Variants in SNRPN observed in about 807,000 individuals in gnomAD.
The protein encoded by SNRPN is small nuclear ribonucleoprotein-associated protein N.
SNRPN carries 7 observed loss-of-function variants against 25.2 expected under a neutral mutation model. The ratio of observed to expected loss-of-function variants is 0.28; its 90% CI spans 0.16 to 0.52. The LOEUF (loss-of-function observed/expected upper bound fraction) is 0.52. Ranked by LOEUF, SNRPN falls within the 20% of genes least tolerant of loss-of-function variation. SNRPN has a pLI of 0.96. For synonymous variants in SNRPN, 124 were observed against 110.6 expected (o/e 1.12, Z -0.76); for missense variants, 196 against 322.5 (o/e 0.61, Z 3.00).
rs928603865 is a variant in SNRPN at position 24,909,292 on chromosome 15, G to A, written c.-504-10719G>A. 5.7e-5 allele frequency: 91 copies of A among 1,602,260 alleles called. No individual in the cohort carries two copies. In the Middle Eastern group the frequency reaches 6.6e-4, roughly 12 times the overall value. Reference sequence around the variant, plus strand: ...CAGAACCATAACCAGGGAATTGTTTGGTACTGTGAGGGATAGACAAGCCTC... The same window carrying A: ...CAGAACCATAACCAGGGAATTGTTTAGTACTGTGAGGGATAGACAAGCCTC... On this transcript the variant is annotated intron_variant, in intron 2 of 11. Transcript: ENST00000400097.
rs575267179 is a variant in SNRPN, at chr15:24,911,283, T to A, written c.-504-8728T>A. 6.2e-4 allele frequency among the ~76,000 whole-genome samples: 95 copies of A among 152,284 alleles called. 1 individual carries two copies. The highest frequency in any genetic ancestry group is 6.8e-3 in the Middle Eastern group (2 of 294). Reference sequence around the variant, plus strand: ...AACCAACTGTGTGGCCAACTGACCGTTTCATAAGGAGATTAGTATGACTAG... The same window carrying A: ...AACCAACTGTGTGGCCAACTGACCGATTCATAAGGAGATTAGTATGACTAG... On this transcript the variant is annotated intron_variant, in intron 2 of 11. Transcript: ENST00000400097.
intron 2 of SNRPN, chr15:24,848,249 C>CGGGGGA (rs1380309379): frequency 5.2e-4 from 3 of 5,718 alleles, no homozygotes; most frequent in Non-Finnish European, 1.0e-3. Context: ...GGGGCGGCGG[C>CGGGGGA]GGGGGCGGGG....
chr15:24,961,605 C>G (rs1042142165), intron 1 of SNRPN, among the ~76,000 whole-genome samples: 1 of 152,008 alleles, frequency 6.6e-6, no homozygotes, highest in Non-Finnish European at 1.5e-5. Flanking sequence ...AGCAGCTCTT[C>G]TATTGCTTTG....
At chr15:24,968,683 T>A (rs1026275877) in intron 3 of SNRPN, 10 of 152,490 alleles carry the variant, frequency 6.6e-5, no homozygotes, top group African/African-American at 2.4e-4. Context: ...TAATTAACAA[T>A]GAGTATTAGA....
intron 3 of SNRPN, among the ~76,000 whole-genome samples, chr15:24,936,856 CACATCAGGGACCA>C (rs1348757751): frequency 3.3e-5 from 5 of 152,156 alleles, no homozygotes; most frequent in African/African-American, 1.2e-4. Flanking sequence ...AGACTCAAAC[CACATCAGGGACCA>C]AAGAAATATT....
intron 2 of SNRPN, among the ~76,000 whole-genome samples, chr15:24,915,218 C>A (rs934354329): frequency 2.6e-5 from 4 of 151,976 alleles, no homozygotes; most frequent in South Asian, 2.1e-4. Flanking sequence ...ACCTCCGCCT[C>A]CTGGGTTCAA....
rs1415601165 is a variant in SNRPN at position 24,949,651 on chromosome 15, AAAAC to A, written c.-390-12451_-390-12448del. Among the ~76,000 whole-genome samples the A allele has an allele frequency of 7.2e-5, 11 of 152,210 alleles. No individual in the cohort carries two copies. In the East Asian group the frequency reaches 1.7e-3, roughly 24 times the overall value. On this transcript the variant is annotated intron_variant, in intron 3 of 11. Transcript: ENST00000400097. ...GGGTGACAGAGTGACACTCTATCTCAAAACAAACAAACAAAAAACCCCATAATAT... is the reference window on the plus strand; with the variant it reads ...GGGTGACAGAGTGACACTCTATCTCAAAACAAACAAAAAACCCCATAATAT...
intron 2 of SNRPN, chr15:24,848,213 G>GGGGGGCGGGGGGGGCGGC (rs2052385073): frequency 9.0e-6 from 1 of 110,888 alleles, no homozygotes; most frequent in Non-Finnish European, 2.1e-5. Flanking sequence ...GGACGGAGCT[G>GGGGGGCGGGGGGGGCGGC]GGGGGCGGGG....
At chr15:24,850,677 G>T (rs2052738461) in intron 2 of SNRPN, 1 of 152,168 alleles carries the variant, frequency 6.6e-6, no homozygotes, top group Non-Finnish European at 1.5e-5. Flanking sequence ...CATCAAGGGA[G>T]CAAAACTGTC....
chr15:24,905,295 G>C (rs2058725627), intron 2 of SNRPN, among the ~76,000 whole-genome samples: 1 of 151,896 alleles, frequency 6.6e-6, no homozygotes, highest in African/African-American at 2.4e-5. Flanking sequence ...GGGATTATGA[G>C]GTCAGCAGTT....
In SNRPN at chr15:24,898,404, A is replaced by G. The variant is rs1025821190; in HGVS notation, c.-505+11815A>G. 3.3e-5 allele frequency among the ~76,000 whole-genome samples: 5 copies of G among 152,074 alleles called. No individual in the cohort carries two copies. In the East Asian group the frequency reaches 7.8e-4, roughly 24 times the overall value. Reference sequence around the variant, plus strand: ...AGAGATCGAGACCATCCTGGCCAACATGGTAAAACCCCGTCTCTACTAAAA... The same window carrying G: ...AGAGATCGAGACCATCCTGGCCAACGTGGTAAAACCCCGTCTCTACTAAAA... On this transcript the variant is annotated intron_variant, in intron 2 of 11. Coordinates refer to the SNRPN transcript ENST00000400097.
chr15:24,957,874 C>G (rs1208688689), intron 1 of SNRPN, among the ~76,000 whole-genome samples: 1 of 152,114 alleles, frequency 6.6e-6, no homozygotes, highest in Non-Finnish European at 1.5e-5. Flanking sequence ...GCCCGGGATC[C>G]TAATATGGCA....
At chr15:24,875,209 A>G (rs764677949) in intron 1 of SNRPN, among the ~76,000 whole-genome samples, 3 of 152,196 alleles carry the variant, frequency 2.0e-5, no homozygotes, top group Non-Finnish European at 4.4e-5. Flanking sequence ...CAATTCTCAC[A>G]ACATTTCAAG....
intron 3 of SNRPN, among the ~76,000 whole-genome samples, chr15:24,922,168 G>A (rs1273451727): frequency 6.6e-6 from 1 of 151,986 alleles, no homozygotes; most frequent in Non-Finnish European, 1.5e-5. Context: ...AGCCAAGATC[G>A]TGCCATTGCA....
intron 2 of SNRPN, among the ~76,000 whole-genome samples, chr15:24,847,700 A>G (rs1180093919): frequency 6.6e-6 from 1 of 152,196 alleles, no homozygotes; most frequent in Non-Finnish European, 1.5e-5. Flanking sequence ...AACCATTCCC[A>G]GTAAACACTC....
chr15:24,967,641 T>TAA (rs35079024), intron 2 of SNRPN, among the ~76,000 whole-genome samples: 1 of 133,964 alleles, frequency 7.5e-6, no homozygotes, highest in East Asian at 2.2e-4. Flanking sequence ...GACTCTGTCT[T>TAA]AAAAAAAAAA....
intron 1 of SNRPN, among the ~76,000 whole-genome samples, chr15:24,868,471 A>G (rs977012895): frequency 1.1e-4 from 17 of 152,184 alleles, no homozygotes; most frequent in African/African-American, 3.9e-4. Flanking sequence ...GATTTTACAT[A>G]GCATAATTAC....
intron 1 of SNRPN, among the ~76,000 whole-genome samples, chr15:24,859,127 C>G (rs1215120637): frequency 6.6e-6 from 1 of 152,170 alleles, no homozygotes; most frequent in Non-Finnish European, 1.5e-5. Context: ...GAAAAGGGTA[C>G]AGGGGCAGGA....
chr15:24,880,602 T>G (rs2056482104), intron 1 of SNRPN, among the ~76,000 whole-genome samples: 1 of 152,190 alleles, frequency 6.6e-6, no homozygotes, highest in Non-Finnish European at 1.5e-5. Context: ...CAGAAAATAC[T>G]TTTTCTTTCC....
Sources: gnomAD v4.1 joint callset for allele counts (sites outside exome capture counted in the v4.1 genomes callset) on GRCh38, gnomAD v4.1.1 for gene constraint, MANE v1.5 for transcripts, NCBI Gene and HGNC (gene_info 2026-07-23, HGNC 2026-07-21) for gene names.